The following NANOS1 variants were observed in gnomAD, a reference collection of about 807,000 sequenced individuals.
The protein encoded by NANOS1 is nanos homolog 1.
NANOS1 carries 1 observed loss-of-function variant against 1.1 expected under a neutral mutation model. The observed-to-expected ratio is 0.88, with a 90% CI of 0.31 to 4.20. The LOEUF (loss-of-function observed/expected upper bound fraction) is 4.20, where lower values mean the gene tolerates loss of function less well. Ranked by LOEUF, NANOS1 falls within the 30% of genes most tolerant of loss-of-function variation. The pLI, the probability that NANOS1 is intolerant of heterozygous loss-of-function variation, is 0.17. For missense variants in NANOS1, 537 were observed against 457.9 expected (o/e 1.17, Z -1.58); for synonymous variants, 252 against 230.6 (o/e 1.09, Z -0.84).
Position 119,030,464 on chromosome 10 carries a change from G to T in NANOS1, c.663G>T (p.Lys221Asn). 1 of 1,474,754 alleles carries T rather than the reference G, an allele frequency of 6.8e-7. No homozygotes were observed. Among genetic ancestry groups the T allele is most frequent in the Non-Finnish European group, 9.0e-7 (1 of 1,110,250 alleles). The allele number at this position is 1,474,754 out of a possible 1,614,324, so 91.4% of individuals were successfully genotyped here. ...TGTGCGTGTTCTGCCGGAACAACAAGGAGGCGATGGCGCTCTACACCACCC... is the reference window on the plus strand; with the variant it reads ...TGTGCGTGTTCTGCCGGAACAACAATGAGGCGATGGCGCTCTACACCACCC... ...LQVCVFCRNN[K>N]EAMALYTTHI... is the part of the protein sequence containing the mutation. The change falls in exon 1 of 1, where the codon AAG (lysine) becomes AAT (asparagine). Residue 221 changes from lysine (K) to asparagine (N), a missense_variant. Coordinates refer to ENST00000425699, the MANE Select transcript of NANOS1 (RefSeq NM_199461.4). The surrounding 1 kb of genome is among the most constrained non-coding windows in gnomAD (Gnocchi z 5.3).
In NANOS1 at chr10:119,030,796, A is replaced by G. The variant is rs1589680590; in HGVS notation, c.*116A>G. On this transcript the variant is annotated 3_prime_UTR_variant, in exon 1 of 1. Transcript: ENST00000425699. This position sits in a 1 kb window ranked among gnomAD's most constrained non-coding sequence, Gnocchi z 5.3. ...GGCTCAGCGGTCGGCTCGACATGGG[A>G]CGTCGTCCTGGTGGTTTTTGAAAAG... The G allele has an allele frequency of 3.1e-5, 38 of 1,220,776 alleles. No individual in the cohort carries two copies. The highest frequency in any genetic ancestry group is 3.7e-5 in the Non-Finnish European group (36 of 970,564). The allele number at this position is 1,220,776 out of a possible 1,614,324, so 75.6% of individuals were successfully genotyped here.
At position 119,032,801 on chromosome 10, in the gene NANOS1, T is replaced by C. The variant is rs1226815256; in HGVS notation, c.*2121T>C. ...TCTGACATTGCTATTTTACCAGAAC[T>C]AAGAACATATTGAGCTGGAGCTTCT... On this transcript the variant is annotated 3_prime_UTR_variant, in exon 1 of 1. Transcript: ENST00000425699. 1.2e-5 allele frequency: 2 copies of C among 166,962 alleles called. No homozygotes were observed. Among genetic ancestry groups the C allele is most frequent in the African/African-American group, 4.8e-5 (2 of 41,408 alleles). 10.3% of individuals were successfully genotyped at this position (166,962 alleles called of 1,614,324 possible). A position where few individuals can be genotyped will look rare whatever the true frequency, so the allele number is the denominator to read the frequency against.
At position 119,030,838 on chromosome 10, in the gene NANOS1, G is replaced by A; in HGVS notation, c.*158G>A. On this transcript the variant is annotated 3_prime_UTR_variant, in exon 1 of 1. Coordinates refer to ENST00000425699, the MANE Select transcript of NANOS1 (RefSeq NM_199461.4). The surrounding 1 kb of genome is among the most constrained non-coding windows in gnomAD (Gnocchi z 5.3). ...TTTGAAAAGCAGCCGACCGTGTGGAGTACTTCCGTGCTGAACGATTGGGAC... is the reference window on the plus strand; with the variant it reads ...TTTGAAAAGCAGCCGACCGTGTGGAATACTTCCGTGCTGAACGATTGGGAC... The A allele has an allele frequency of 9.7e-7, 1 of 1,032,842 alleles. No individual in the cohort carries two copies. The highest frequency in any genetic ancestry group is 1.3e-6 in the Non-Finnish European group (1 of 799,764). 64.0% of individuals were successfully genotyped at this position (1,032,842 alleles called of 1,614,324 possible). A position where few individuals can be genotyped will look rare whatever the true frequency, so the allele number is the denominator to read the frequency against.
Position 119,029,933 on chromosome 10 carries a change from C to T in NANOS1, c.132C>T (p.Asn44=). ...ACCCGCAGCCCTTCAGCTCCTGGAACGACTACCTGGGGCTCGCCACGCTCA... is the reference window on the plus strand; with the variant it reads ...ACCCGCAGCCCTTCAGCTCCTGGAATGACTACCTGGGGCTCGCCACGCTCA... ...PAHPQPFSSW[N]DYLGLATLIT... is the part of the protein sequence containing the mutation. The change falls in exon 1 of 1, where the codon AAC becomes AAT. Residue 44 remains asparagine (N), a synonymous_variant. Transcript: ENST00000425699. 1.4e-6 allele frequency: 2 copies of T among 1,431,890 alleles called. No homozygotes were observed. The highest frequency in any genetic ancestry group is 1.8e-6 in the Non-Finnish European group (2 of 1,092,110). The allele number at this position is 1,431,890 out of a possible 1,614,324, so 88.7% of individuals were successfully genotyped here.
At position 119,029,763 on chromosome 10, in the gene NANOS1, C is replaced by A; in HGVS notation, c.-39C>A. 2.1e-6 allele frequency: 2 copies of A among 974,748 alleles called. No individual in the cohort carries two copies. Among genetic ancestry groups the A allele is most frequent in the Non-Finnish European group, 2.4e-6 (2 of 822,598 alleles). The allele number at this position is 974,748 out of a possible 1,614,324, so 60.4% of individuals were successfully genotyped here. On this transcript the variant is annotated 5_prime_UTR_variant, in exon 1 of 1. Transcript: ENST00000425699. ...GCGTGTCCCTTCCGTCCGGCCCGCGCCGGCGGCGGGGAGGCGGCGCGCGGC... is the reference window on the plus strand; with the variant it reads ...GCGTGTCCCTTCCGTCCGGCCCGCGACGGCGGCGGGGAGGCGGCGCGCGGC...
chr10:119,030,461 C>G lies in NANOS1; in HGVS notation c.660C>G (p.Asn220Lys), dbSNP rs769493556. ...ELQVCVFCRN[N>K]KEAMALYTTH... ...AGGTGTGCGTGTTCTGCCGGAACAA[C>G]AAGGAGGCGATGGCGCTCTACACCA... Residue 220 changes from asparagine to lysine, a missense_variant, in exon 1 of 1, where the codon AAC (asparagine) becomes AAG (lysine). Physicochemically the swap from Asn to Lys is moderately conservative, Grantham distance 94. Coordinates refer to ENST00000425699, the MANE Select transcript of NANOS1 (RefSeq NM_199461.4). The surrounding 1 kb of genome is among the most constrained non-coding windows in gnomAD (Gnocchi z 5.3). 61 of 1,489,106 alleles carry G rather than the reference C, an allele frequency of 4.1e-5. No homozygotes were observed. The highest frequency in any genetic ancestry group is 4.6e-5 in the Non-Finnish European group (52 of 1,119,262). 92.2% of individuals were successfully genotyped at this position (1,489,106 alleles called of 1,614,324 possible).
chr10:119,030,644 C>A lies in NANOS1; in HGVS notation c.843C>A (p.Ser281Arg). The A allele has an allele frequency of 7.1e-7, 1 of 1,417,074 alleles. No homozygotes were observed. Among genetic ancestry groups the A allele is most frequent in the Admixed American group, 2.6e-5 (1 of 38,548 alleles). The allele number at this position is 1,417,074 out of a possible 1,614,324, so 87.8% of individuals were successfully genotyped here. ...PPPPARPPPR[S>R]ARDGPPGKKL... ...CGCCCGCCCGCCCGCCGCCCCGCAG[C>A]GCCAGGGACGGCCCGCCTGGCAAGA... is the stretch of plus-strand genomic sequence containing the variant. Residue 281 changes from serine to arginine, a missense_variant, in exon 1 of 1, where the codon AGC (serine) becomes AGA (arginine). By Grantham distance (110) the Ser-to-Arg change is moderately radical. Coordinates refer to ENST00000425699, the MANE Select transcript of NANOS1 (RefSeq NM_199461.4). This position sits in a 1 kb window ranked among gnomAD's most constrained non-coding sequence, Gnocchi z 5.3.
rs1023537428 is a variant in NANOS1 at position 119,031,624 on chromosome 10, A to G, written c.*944A>G. 1 of 166,766 alleles carries G rather than the reference A, an allele frequency of 6.0e-6. No individual in the cohort carries two copies. Among genetic ancestry groups the G allele is most frequent in the African/African-American group, 2.4e-5 (1 of 41,458 alleles). The allele number at this position is 166,766 out of a possible 1,614,324, so 10.3% of individuals were successfully genotyped here. A position where few individuals can be genotyped will look rare whatever the true frequency, so the allele number is the denominator to read the frequency against. On this transcript the variant is annotated 3_prime_UTR_variant, in exon 1 of 1. Transcript: ENST00000425699. ...TTAAGATCAAAGGGAGGAAGGGAAG[A>G]CAGCAGTATTAATTCACCCTAGATT...
In NANOS1 at chr10:119,030,093, C is replaced by T; in HGVS notation, c.292C>T (p.Pro98Ser). 7.6e-7 allele frequency: 1 copy of T among 1,312,656 alleles called. No homozygotes were observed. The highest frequency in any genetic ancestry group is 9.6e-7 in the Non-Finnish European group (1 of 1,036,548). The allele number at this position is 1,312,656 out of a possible 1,614,324, so 81.3% of individuals were successfully genotyped here. A position where few individuals can be genotyped will look rare whatever the true frequency, so the allele number is the denominator to read the frequency against. ...GGGGGCCGGGCCTGGGGCGCTGGGGCCGGCGCTGGGGCCGCCCGACTACGA... is the reference window on the plus strand; with the variant it reads ...GGGGGCCGGGCCTGGGGCGCTGGGGTCGGCGCTGGGGCCGCCCGACTACGA... ...HTGAGPGALG[P>S]ALGPPDYDED... Residue 98 changes from proline (P) to serine (S), a missense_variant, in exon 1 of 1, where the codon CCG becomes TCG. By Grantham distance (74) the Pro-to-Ser change is moderately conservative (BLOSUM62 -1). Transcript: ENST00000425699. This position sits in a 1 kb window ranked among gnomAD's most constrained non-coding sequence, Gnocchi z 5.3.
rs1363595727 is a variant in NANOS1 at position 119,032,821 on chromosome 10, GCTT to G, written c.*2145_*2147del. 6.0e-6 allele frequency: 1 copy of G among 167,124 alleles called. No individual in the cohort carries two copies. The highest frequency in any genetic ancestry group is 2.4e-5 in the African/African-American group (1 of 41,460). The allele number at this position is 167,124 out of a possible 1,614,324, so 10.4% of individuals were successfully genotyped here. A position where few individuals can be genotyped will look rare whatever the true frequency, so the allele number is the denominator to read the frequency against. The stretch of plus-strand genomic sequence containing the variant: ...AGAACTAAGAACATATTGAGCTGGA[GCTT>G]CTTGAGGGCAGGAGAGTATTGGAAA... On this transcript the variant is annotated 3_prime_UTR_variant, in exon 1 of 1. Coordinates refer to ENST00000425699, the MANE Select transcript of NANOS1 (RefSeq NM_199461.4).
chr10:119,029,921 C>A lies in NANOS1; in HGVS notation c.120C>A (p.Phe40Leu). The A allele has an allele frequency of 7.0e-7, 1 of 1,423,796 alleles. No homozygotes were observed. The highest frequency in any genetic ancestry group is 9.2e-7 in the Non-Finnish European group (1 of 1,086,894). The allele number at this position is 1,423,796 out of a possible 1,614,324, so 88.2% of individuals were successfully genotyped here. The change falls in exon 1 of 1, where the codon TTC becomes TTA. Residue 40 changes from phenylalanine to leucine, a missense_variant. Transcript: ENST00000425699. ...SAPGPAHPQP[F>L]SSWNDYLGLA... ...CGGGCCCGGCGCACCCGCAGCCCTT[C>A]AGCTCCTGGAACGACTACCTGGGGC...
chr10:119,030,415 G>A lies in NANOS1; in HGVS notation c.614G>A (p.Arg205Gln). 3.3e-6 allele frequency: 4 copies of A among 1,200,892 alleles called. No homozygotes were observed. The highest frequency in any genetic ancestry group is 4.2e-6 in the Non-Finnish European group (4 of 947,156). 74.4% of individuals were successfully genotyped at this position (1,200,892 alleles called of 1,614,324 possible). Residue 205 changes from arginine (R) to glutamine (Q), a missense_variant, in exon 1 of 1, where the codon CGG (arginine) becomes CAG (glutamine). Physicochemically the swap from Arg to Gln is conservative, Grantham distance 43. Transcript: ENST00000425699. This position sits in a 1 kb window ranked among gnomAD's most constrained non-coding sequence, Gnocchi z 5.3. ...LHAASGAAAA[R>Q]LLKPELQVCV... is the part of the protein sequence containing the mutation. Reference sequence around the variant, plus strand: ...GCGGCCTCCGGGGCGGCGGCCGCCCGGCTGCTGAAGCCCGAGCTGCAGGTG... The same window carrying A: ...GCGGCCTCCGGGGCGGCGGCCGCCCAGCTGCTGAAGCCCGAGCTGCAGGTG...
rs1328596680 is a variant in NANOS1 at position 119,029,741 on chromosome 10, T to C, written c.-61T>C. ...GGCAGGCCGGCGGGCAGGCTCGGCG[T>C]GTCCCTTCCGTCCGGCCCGCGCCGG... On this transcript the variant is annotated 5_prime_UTR_variant, in exon 1 of 1. Transcript: ENST00000425699. 6 of 908,220 alleles carry C rather than the reference T, an allele frequency of 6.6e-6. No homozygotes were observed. The highest frequency in any genetic ancestry group is 5.7e-4 in the Middle Eastern group (1 of 1,760). 56.3% of individuals were successfully genotyped at this position (908,220 alleles called of 1,614,324 possible).
At position 119,029,909 on chromosome 10, in the gene NANOS1, C is replaced by G; in HGVS notation, c.108C>G (p.His36Gln). The G allele has an allele frequency of 3.6e-6, 5 of 1,406,728 alleles. No homozygotes were observed. The highest frequency in any genetic ancestry group is 4.6e-6 in the Non-Finnish European group (5 of 1,077,016). The allele number at this position is 1,406,728 out of a possible 1,614,324, so 87.1% of individuals were successfully genotyped here. ...ARYVSAPGPAHPQPFSSWNDY... is the reference protein window; with the variant it reads ...ARYVSAPGPAQPQPFSSWNDY... ...ACGTGAGCGCCCCGGGCCCGGCGCA[C>G]CCGCAGCCCTTCAGCTCCTGGAACG... is the stretch of plus-strand genomic sequence containing the variant. Residue 36 changes from histidine to glutamine, a missense_variant, in exon 1 of 1, where the codon CAC (histidine) becomes CAG (glutamine). Coordinates refer to ENST00000425699, the MANE Select transcript of NANOS1 (RefSeq NM_199461.4).
Position 119,029,944 on chromosome 10 carries a change from G to A in NANOS1, c.143G>A (p.Gly48Glu), listed in dbSNP as rs1371387471. The A allele has an allele frequency of 7.0e-7, 1 of 1,436,048 alleles. No individual in the cohort carries two copies. The highest frequency in any genetic ancestry group is 1.5e-5 in the African/African-American group (1 of 67,640). The allele number at this position is 1,436,048 out of a possible 1,614,324, so 89.0% of individuals were successfully genotyped here. The stretch of plus-strand genomic sequence containing the variant: ...TTCAGCTCCTGGAACGACTACCTGG[G>A]GCTCGCCACGCTCATCACCAAAGCG... ...QPFSSWNDYLGLATLITKAVD... is the reference protein window; with the variant it reads ...QPFSSWNDYLELATLITKAVD... The change falls in exon 1 of 1, where the codon GGG (glycine) becomes GAG (glutamate). Residue 48 changes from glycine to glutamate, a missense_variant. Transcript: ENST00000425699.
chr10:119,030,193 C>G lies in NANOS1; in HGVS notation c.392C>G (p.Ala131Gly). The G allele has an allele frequency of 6.8e-6, 9 of 1,323,358 alleles. No homozygotes were observed. Among genetic ancestry groups the G allele is most frequent in the Non-Finnish European group, 8.6e-6 (9 of 1,042,206 alleles). 82.0% of individuals were successfully genotyped at this position (1,323,358 alleles called of 1,614,324 possible). A position where few individuals can be genotyped will look rare whatever the true frequency, so the allele number is the denominator to read the frequency against. ...RYLGSALELR[A>G]LELCAGPAEA... ...CTGGGGAGCGCGCTGGAATTGCGCG[C>G]GCTGGAGCTGTGCGCGGGCCCCGCC... The change falls in exon 1 of 1, where the codon GCG (alanine) becomes GGG (glycine). Residue 131 changes from alanine to glycine, a missense_variant. Coordinates refer to ENST00000425699, the MANE Select transcript of NANOS1 (RefSeq NM_199461.4). The surrounding 1 kb of genome is among the most constrained non-coding windows in gnomAD (Gnocchi z 5.3).
rs747095764 is a variant in NANOS1, at chr10:119,030,610, TGCC to T, written c.819_821del (p.Pro274del). 9 of 1,483,458 alleles carry T rather than the reference TGCC, an allele frequency of 6.1e-6. No homozygotes were observed. Among genetic ancestry groups the T allele is most frequent in the Admixed American group, 2.1e-5 (1 of 47,566 alleles). 91.9% of individuals were successfully genotyped at this position (1,483,458 alleles called of 1,614,324 possible). A position where few individuals can be genotyped will look rare whatever the true frequency, so the allele number is the denominator to read the frequency against. On this transcript the variant is annotated inframe_deletion, in exon 1 of 1. Transcript: ENST00000425699. This position sits in a 1 kb window ranked among gnomAD's most constrained non-coding sequence, Gnocchi z 5.3. ...ATCAAGTACTGCCCGCTCTCCAAAG[TGCC>T]GCCGCCGCCCGCCCGCCCGCCGCCC...
rs964217543 is a variant in NANOS1 at position 119,029,852 on chromosome 10, C to T, written c.51C>T (p.Pro17=). 8.1e-7 allele frequency: 1 copy of T among 1,229,382 alleles called. No individual in the cohort carries two copies. Among genetic ancestry groups the T allele is most frequent in the Admixed American group, 4.4e-5 (1 of 22,952 alleles). 76.2% of individuals were successfully genotyped at this position (1,229,382 alleles called of 1,614,324 possible). ...GCTCGCCCCGCCGCGGCCGCGCCCC[C>T]CCGCCCATGGCGCTCGTGCCCAGCG... The part of the protein sequence containing the change: ...APRSPRRGRA[P]PPMALVPSAR... The change falls in exon 1 of 1, where the codon CCC becomes CCT. Residue 17 remains proline (P), a synonymous_variant. Coordinates refer to ENST00000425699, the MANE Select transcript of NANOS1 (RefSeq NM_199461.4).
rs756336611 is a variant in NANOS1 at position 119,030,162 on chromosome 10, C to T, written c.361C>T (p.Arg121Cys). ...DDSDEPGSRGRYLGSALELRA... is the reference protein window; with the variant it reads ...DDSDEPGSRGCYLGSALELRA... ...CAGCGACGAGCCGGGGTCCCGGGGCCGCTACCTGGGGAGCGCGCTGGAATT... is the reference window on the plus strand; with the variant it reads ...CAGCGACGAGCCGGGGTCCCGGGGCTGCTACCTGGGGAGCGCGCTGGAATT... Residue 121 changes from arginine (R) to cysteine (C), a missense_variant, in exon 1 of 1, where the codon CGC becomes TGC. Transcript: ENST00000425699. This position sits in a 1 kb window ranked among gnomAD's most constrained non-coding sequence, Gnocchi z 5.3. 1 of 1,356,014 alleles carries T rather than the reference C, an allele frequency of 7.4e-7. No homozygotes were observed. The highest frequency in any genetic ancestry group is 9.4e-7 in the Non-Finnish European group (1 of 1,059,710). The allele number at this position is 1,356,014 out of a possible 1,614,324, so 84.0% of individuals were successfully genotyped here. A position where few individuals can be genotyped will look rare whatever the true frequency, so the allele number is the denominator to read the frequency against.
Sources: gnomAD v4.1 joint callset for allele counts on GRCh38, gnomAD v4.1.1 for gene constraint, Gnocchi (gnomAD v3.1) non-coding constraint, MANE v1.5 for transcripts, NCBI Gene and HGNC (gene_info 2026-07-23, HGNC 2026-07-21) for gene names.